The following NRXN3 variants were observed in gnomAD, a reference collection of about 807,000 sequenced individuals.
NRXN3 encodes neurexin 3, also known as neurexin III.
A neutral mutation model predicts 137.6 loss-of-function variants in NRXN3; 32 were observed. The ratio of observed to expected loss-of-function variants is 0.23; its 90% CI spans 0.18 to 0.31. The LOEUF (loss-of-function observed/expected upper bound fraction) is 0.31, where lower values mean the gene tolerates loss of function less well. Ranked by LOEUF, NRXN3 falls within the 10% of genes least tolerant of loss-of-function variation. The pLI, the probability that NRXN3 is intolerant of heterozygous loss-of-function variation, is 1.00. For synonymous variants in NRXN3, 798 were observed against 784.5 expected (o/e 1.02, Z -0.29); for missense variants, 1,574 against 2,062.5 (o/e 0.76, Z 4.59).
At chr14:79,383,130 A>G (rs1356239043) in intron 15 of NRXN3, among the ~76,000 whole-genome samples, 1 of 152,112 alleles carries the variant, frequency 6.6e-6, no homozygotes, top group Non-Finnish European at 1.5e-5. Context: ...GTAAACAACC[A>G]TTCCCAATCC....
In NRXN3 at chr14:79,866,124, T is replaced by G. The variant is rs2099417982; in HGVS notation, c.*4160T>G. On this transcript the variant is annotated 3_prime_UTR_variant, in exon 21 of 21. Transcript: ENST00000335750. ...AGCCTTTTTGTCTCTTGTATAAATCTATACAGGTCCAGTCTCTCTTTGCTC... is the reference window on the plus strand; with the variant it reads ...AGCCTTTTTGTCTCTTGTATAAATCGATACAGGTCCAGTCTCTCTTTGCTC... 6.6e-6 allele frequency: 1 copy of G among 152,230 alleles called. No homozygotes were observed. Among genetic ancestry groups the G allele is most frequent in the African/African-American group, 2.4e-5 (1 of 41,458 alleles). 9.4% of individuals were successfully genotyped at this position (152,230 alleles called of 1,614,324 possible). A position where few individuals can be genotyped will look rare whatever the true frequency, so the allele number is the denominator to read the frequency against.
chr14:79,459,981 T>C (rs2096308536), intron 15 of NRXN3, among the ~76,000 whole-genome samples: 1 of 152,110 alleles, frequency 6.6e-6, no homozygotes, highest in Non-Finnish European at 1.5e-5. Context: ...ATTTGATGAG[T>C]AAAAATGACT....
chr14:78,965,039 T>C (rs730024), intron 11 of NRXN3, among the ~76,000 whole-genome samples: 21,493 of 152,106 alleles, frequency 0.14, 2,000 homozygotes, highest in East Asian at 0.45. Context: ...CTTCATTTGG[T>C]AATTGTCTTC....
chr14:79,255,173 C>T lies in NRXN3; in HGVS notation c.3263-212048C>T, dbSNP rs959001291. Among the ~76,000 whole-genome samples the T allele has an allele frequency of 3.3e-5, 5 of 152,210 alleles. No homozygotes were observed. The South Asian group carries it at 1.0e-3, about 32-fold the overall frequency. ...CTTCAGTCCTCCTAAACTCATTGCA[C>T]AGAAACAATCACAAACTCACACTGT... On this transcript the variant is annotated intron_variant, in intron 15 of 20. Transcript: ENST00000335750.
chr14:78,449,571 T>C (rs1331243797), intron 4 of NRXN3, among the ~76,000 whole-genome samples: 2 of 152,198 alleles, frequency 1.3e-5, no homozygotes, highest in African/African-American at 2.4e-5. Context: ...GTGCCACAGA[T>C]ATTTTTCTCT....
At chr14:79,536,781 A>G (rs1166848433) in intron 16 of NRXN3, among the ~76,000 whole-genome samples, 2 of 152,136 alleles carry the variant, frequency 1.3e-5, no homozygotes, top group Non-Finnish European at 2.9e-5. Flanking sequence ...CCTGAAAAGG[A>G]CATGATCTTA....
intron 19 of NRXN3, among the ~76,000 whole-genome samples, chr14:79,794,027 C>A (rs2099153527): frequency 6.6e-6 from 1 of 152,270 alleles, no homozygotes; most frequent in South Asian, 2.1e-4. Flanking sequence ...CAGGTAGAAC[C>A]AAAAACAAGA....
chr14:79,063,811 A>G (rs1308004424), intron 15 of NRXN3, among the ~76,000 whole-genome samples: 2 of 152,302 alleles, frequency 1.3e-5, no homozygotes, highest in East Asian at 3.9e-4. Flanking sequence ...TTTACCATTA[A>G]AGAACCAAAT....
chr14:78,679,835 A>G (rs1157201929), intron 6 of NRXN3, among the ~76,000 whole-genome samples: 2 of 152,176 alleles, frequency 1.3e-5, no homozygotes, highest in African/African-American at 4.8e-5. Flanking sequence ...AGATAAAATG[A>G]TGATCAGGGA....
chr14:78,248,317 A>T (rs1296175945), intron 2 of NRXN3, among the ~76,000 whole-genome samples: 1 of 19,516 alleles, frequency 5.1e-5, no homozygotes, highest in Non-Finnish European at 1.0e-4. Flanking sequence ...CCCCCCCCCC[A>T]CCCGCCACCT....
At chr14:78,852,864 T>C (rs2099046355) in intron 10 of NRXN3, among the ~76,000 whole-genome samples, 1 of 150,980 alleles carries the variant, frequency 6.6e-6, no homozygotes, top group African/African-American at 2.4e-5. Flanking sequence ...ATTTTGTGTG[T>C]GTGTGGTTAG....
At chr14:79,713,184 T>A (rs2098810926) in intron 19 of NRXN3, among the ~76,000 whole-genome samples, 1 of 146,768 alleles carries the variant, frequency 6.8e-6, no homozygotes, top group Non-Finnish European at 1.5e-5. Flanking sequence ...TTTTTTTTTT[T>A]TTTTTTACCC....
intron 6 of NRXN3, among the ~76,000 whole-genome samples, chr14:78,653,532 C>T (rs1289350990): frequency 6.6e-6 from 1 of 152,164 alleles, no homozygotes; most frequent in Non-Finnish European, 1.5e-5. Context: ...TTCTCCTACA[C>T]ACAATTATAT....
intron 6 of NRXN3, among the ~76,000 whole-genome samples, chr14:78,657,507 G>A (rs1308043522): frequency 4.6e-5 from 7 of 152,310 alleles, no homozygotes; most frequent in Non-Finnish European, 8.8e-5. Flanking sequence ...CTCTAATGGG[G>A]AGGAAGGAAA....
intron 8 of NRXN3, among the ~76,000 whole-genome samples, chr14:78,788,970 G>A (rs576078523): frequency 1.2e-4 from 18 of 152,264 alleles, no homozygotes; most frequent in African/African-American, 4.1e-4. Flanking sequence ...ACCCATATGT[G>A]TAATCACAGC....
intron 4 of NRXN3, among the ~76,000 whole-genome samples, chr14:78,643,509 G>A (rs1464937462): frequency 4.6e-5 from 7 of 152,110 alleles, no homozygotes; most frequent in South Asian, 4.2e-4. Context: ...ATTATAGATC[G>A]AATCAACAAA....
chr14:78,908,294 A>G (rs969449685), intron 10 of NRXN3, among the ~76,000 whole-genome samples: 1 of 152,210 alleles, frequency 6.6e-6, no homozygotes, highest in Non-Finnish European at 1.5e-5. Flanking sequence ...TATTTAGTCC[A>G]ATGTTTCAAG....
At position 78,347,133 on chromosome 14, in the gene NRXN3, A is replaced by G. The variant is rs370012912; in HGVS notation, c.757+49273A>G. On this transcript the variant is annotated intron_variant, in intron 4 of 20. Coordinates refer to ENST00000335750, the MANE Select transcript of NRXN3 (RefSeq NM_001330195.2). Reference sequence around the variant, plus strand: ...TGAAAAAGTTTATGAATTGCCGTCAATTACAATCCCGGCGACAAATGCGGA... The same window carrying G: ...TGAAAAAGTTTATGAATTGCCGTCAGTTACAATCCCGGCGACAAATGCGGA... Among the ~76,000 whole-genome samples, 12 of 152,346 alleles carry G rather than the reference A, an allele frequency of 7.9e-5. 1 individual carries two copies. The highest frequency in any genetic ancestry group is 5.2e-4 in the Admixed American group (8 of 15,306).
intron 10 of NRXN3, among the ~76,000 whole-genome samples, chr14:78,838,730 G>A (rs898503732): frequency 5.3e-5 from 8 of 152,070 alleles, no homozygotes; most frequent in Non-Finnish European, 8.8e-5. Context: ...AAGTTTAAAG[G>A]TCAAATCCTC....
Sources: allele counts gnomAD v4.1 joint callset (sites outside exome capture counted in the v4.1 genomes callset), GRCh38; gene constraint gnomAD v4.1.1; transcripts MANE v1.5; gene names NCBI Gene and HGNC (gene_info 2026-07-23, HGNC 2026-07-21).